Variants in IQCH observed in about 807,000 individuals in gnomAD.
The protein encoded by IQCH is IQ domain-containing protein H.
In IQCH, 98 loss-of-function variants were observed where a neutral mutation model predicts 117.0. The observed-to-expected ratio is 0.84, with a 90% CI of 0.71 to 0.99. The LOEUF is 0.99. Among genes scored for constraint, IQCH ranks in the 50% least tolerant of loss-of-function variants. The pLI, the probability that IQCH is intolerant of heterozygous loss-of-function variation, is 0.00. For missense variants in IQCH, 1,102 were observed against 1,243.8 expected, an observed-to-expected ratio of 0.89 and a Z score of 1.72; for synonymous variants, 412 against 448.2, an observed-to-expected ratio of 0.92 and a Z score of 1.02.
intron 4 of IQCH, among the ~76,000 whole-genome samples, chr15:67,315,676 A>G (rs559061275): frequency 1.3e-5 from 2 of 152,190 alleles, no homozygotes; most frequent in East Asian, 1.9e-4. Context: ...CCTTTTTACT[A>G]CTTTCCTGCT....
rs182392693 is a variant in IQCH, at chr15:67,425,846, C to T, written c.2505+4269C>T. Reference sequence around the variant, plus strand: ...GCAATCTACTGCAAGAAACAATTTTCCTTCTCCACCTCTCATTTATGCCTG... The same window carrying T: ...GCAATCTACTGCAAGAAACAATTTTTCTTCTCCACCTCTCATTTATGCCTG... On this transcript the variant is annotated intron_variant, in intron 16 of 20. Coordinates refer to ENST00000335894, the MANE Select transcript of IQCH (RefSeq NM_001031715.3). The surrounding 1 kb of genome is among the most constrained non-coding windows in gnomAD (Gnocchi z 5.5). 3.8e-3 allele frequency among the ~76,000 whole-genome samples: 571 copies of T among 152,238 alleles called. 3 individuals carry two copies. Among genetic ancestry groups the T allele is most frequent in the African/African-American group, 0.013 (535 of 41,546 alleles).
intron 6 of IQCH, among the ~76,000 whole-genome samples, chr15:67,345,318 C>T (rs1447946483): frequency 1.3e-5 from 2 of 152,144 alleles, no homozygotes; most frequent in Non-Finnish European, 2.9e-5. Context: ...TTACCTCCTC[C>T]TCCAGGAAAT....
intron 18 of IQCH, among the ~76,000 whole-genome samples, chr15:67,484,180 T>G (rs1212075233): frequency 6.6e-6 from 1 of 151,932 alleles, no homozygotes; most frequent in Admixed American, 6.6e-5. Flanking sequence ...CTGAGGTAGG[T>G]AGATTACTTG....
chr15:67,375,475 A>C (rs1031885427), intron 10 of IQCH, among the ~76,000 whole-genome samples: 1 of 152,156 alleles, frequency 6.6e-6, no homozygotes, highest in African/African-American at 2.4e-5. Flanking sequence ...CTGGTCAAAG[A>C]AGCTAGAAAT....
rs973060028 is a variant in IQCH at position 67,366,541 on chromosome 15, T to C, written c.754-5570T>C. 6.6e-6 allele frequency among the ~76,000 whole-genome samples: 1 copy of C among 152,210 alleles called. No individual in the cohort carries two copies. Among genetic ancestry groups the C allele is most frequent in the Non-Finnish European group, 1.5e-5 (1 of 68,030 alleles). ...AAGACTCATTTGAATAAAGATACCT[T>C]TCAAAGCAATTGCAGAAATTATTCC... On this transcript the variant is annotated intron_variant, in intron 8 of 20. Coordinates refer to ENST00000335894, the MANE Select transcript of IQCH (RefSeq NM_001031715.3). This position sits in a 1 kb window ranked among gnomAD's most constrained non-coding sequence, Gnocchi z 4.4.
At chr15:67,357,764 A>G (rs777988755) in intron 7 of IQCH, among the ~76,000 whole-genome samples, 1 of 152,162 alleles carries the variant, frequency 6.6e-6, no homozygotes, top group Non-Finnish European at 1.5e-5. Context: ...GTTCTACTGT[A>G]TTTCATTTGT....
At chr15:67,298,255 C>T (rs1966871932) in intron 4 of IQCH, among the ~76,000 whole-genome samples, 1 of 151,496 alleles carries the variant, frequency 6.6e-6, no homozygotes, top group Non-Finnish European at 1.5e-5. Flanking sequence ...TTGCAGTAAG[C>T]CGATATCACA....
At chr15:67,353,755 A>C (rs1172473443) in intron 6 of IQCH, among the ~76,000 whole-genome samples, 1 of 152,252 alleles carries the variant, frequency 6.6e-6, no homozygotes, top group African/African-American at 2.4e-5. Context: ...TACTAAAATG[A>C]AAAAAGGTCA....
Position 67,501,332 on chromosome 15 carries a change from A to G in IQCH, c.*586A>G, listed in dbSNP as rs2083974907. The G allele has an allele frequency of 2.0e-5, 3 of 152,322 alleles. No homozygotes were observed. The South Asian group carries it at 6.2e-4, about 32-fold the overall frequency. The allele number at this position is 152,322 out of a possible 1,614,324, so 9.4% of individuals were successfully genotyped here. On this transcript the variant is annotated 3_prime_UTR_variant, in exon 21 of 21. Coordinates refer to ENST00000335894, the MANE Select transcript of IQCH (RefSeq NM_001031715.3). This position sits in a 1 kb window ranked among gnomAD's most constrained non-coding sequence, Gnocchi z 5.2. ...TTGTTGCCATTTTTCAAAAAGTAGG[A>G]TAAGCCAGCATCTAGTTAACCAAAG...
intron 15 of IQCH, among the ~76,000 whole-genome samples, chr15:67,418,811 A>G (rs2081646723): frequency 6.6e-6 from 1 of 151,622 alleles, no homozygotes; most frequent in Non-Finnish European, 1.5e-5. Context: ...CTCCTGACCT[A>G]AGGTGATCCG....
intron 10 of IQCH, among the ~76,000 whole-genome samples, chr15:67,380,731 G>C (rs557801431): frequency 6.6e-6 from 1 of 152,310 alleles, no homozygotes; most frequent in Non-Finnish European, 1.5e-5. Flanking sequence ...GTGCTCTCTT[G>C]ATTAGGAGAG....
Position 67,426,613 on chromosome 15 carries a change from A to G in IQCH, c.2505+5036A>G, listed in dbSNP as rs2081897266. On this transcript the variant is annotated intron_variant, in intron 16 of 20. Coordinates refer to ENST00000335894, the MANE Select transcript of IQCH (RefSeq NM_001031715.3). This position sits in a 1 kb window ranked among gnomAD's most constrained non-coding sequence, Gnocchi z 5.1. ...ATTTAAACTTACAAACTAAAAAAAA[A>G]TAAAAATAAAAATAAAAATGAAAAG... Among the ~76,000 whole-genome samples the G allele has an allele frequency of 8.6e-6, 1 of 115,786 alleles. No homozygotes were observed. The highest frequency in any genetic ancestry group is 1.9e-5 in the Non-Finnish European group (1 of 51,740). The allele number at this position is 115,786 out of a possible 152,430, so 76.0% of individuals were successfully genotyped here.
rs2083193037 is a variant in IQCH, at chr15:67,475,997, A to T, written c.2799+179A>T. Reference sequence around the variant, plus strand: ...GATACGCAACTCCACAGAAAGTAGCACATAGTCCTGGAAAGTTCTACTTCG... The same window carrying T: ...GATACGCAACTCCACAGAAAGTAGCTCATAGTCCTGGAAAGTTCTACTTCG... On this transcript the variant is annotated intron_variant, in intron 18 of 20. Transcript: ENST00000335894. The surrounding 1 kb of genome is among the most constrained non-coding windows in gnomAD (Gnocchi z 5.7). Among the ~76,000 whole-genome samples the T allele has an allele frequency of 6.6e-6, 1 of 152,264 alleles. No individual in the cohort carries two copies.
At chr15:67,255,361 G>A (rs565022582) in intron 1 of IQCH, 1 of 169,270 alleles carries the variant, frequency 5.9e-6, no homozygotes, top group African/African-American at 2.4e-5. Context: ...TATGTGAATT[G>A]CTTTTCTTAA....
chr15:67,290,106 G>T (rs970068718), intron 4 of IQCH, among the ~76,000 whole-genome samples: 2 of 152,024 alleles, frequency 1.3e-5, no homozygotes, highest in African/African-American at 4.8e-5. Flanking sequence ...TCTTTTCATT[G>T]TCTTATTTGG....
intron 3 of IQCH, among the ~76,000 whole-genome samples, chr15:67,274,641 T>C (rs1966046374): frequency 6.6e-6 from 1 of 152,218 alleles, no homozygotes; most frequent in Non-Finnish European, 1.5e-5. Context: ...TATCAACATC[T>C]CACTAAGGTC....
At position 67,490,773 on chromosome 15, in the gene IQCH, C is replaced by A. The variant is rs1366478119; in HGVS notation, c.2861+709C>A. On this transcript the variant is annotated intron_variant, in intron 19 of 20. Coordinates refer to ENST00000335894, the MANE Select transcript of IQCH (RefSeq NM_001031715.3). This position sits in a 1 kb window ranked among gnomAD's most constrained non-coding sequence, Gnocchi z 4.9. ...CCCCTAACAGGCAGGATCTGTAGCTCCTCCTCAGATCCAGTTTCAACCCGG... is the reference window on the plus strand; with the variant it reads ...CCCCTAACAGGCAGGATCTGTAGCTACTCCTCAGATCCAGTTTCAACCCGG... Among the ~76,000 whole-genome samples the A allele has an allele frequency of 6.6e-6, 1 of 152,150 alleles. No individual in the cohort carries two copies. Among genetic ancestry groups the A allele is most frequent in the Non-Finnish European group, 1.5e-5 (1 of 68,036 alleles).
Position 67,406,142 on chromosome 15 carries a change from A to T in IQCH, c.2097+5837A>T. The T allele has an allele frequency of 6.6e-6, 1 of 152,236 alleles. No homozygotes were observed. The highest frequency in any genetic ancestry group is 1.9e-4 in the East Asian group (1 of 5,204). 9.4% of individuals were successfully genotyped at this position (152,236 alleles called of 1,614,324 possible). Reference sequence around the variant, plus strand: ...CTCAATTTAATACACTATCGTGATCATTTTAGTGAGCCTGTAAATTCCCAA... The same window carrying T: ...CTCAATTTAATACACTATCGTGATCTTTTTAGTGAGCCTGTAAATTCCCAA... On this transcript the variant is annotated intron_variant, in intron 14 of 20. Coordinates refer to ENST00000335894, the MANE Select transcript of IQCH (RefSeq NM_001031715.3). The surrounding 1 kb of genome is among the most constrained non-coding windows in gnomAD (Gnocchi z 4.5).
In IQCH at chr15:67,366,793, T is replaced by C. The variant is rs1380315789; in HGVS notation, c.754-5318T>C. ...AATACTGGAACACTACTCTTTGGGG[T>C]TCTCTCCCCATGACCACCTTTACCA... On this transcript the variant is annotated intron_variant, in intron 8 of 20. Coordinates refer to ENST00000335894, the MANE Select transcript of IQCH (RefSeq NM_001031715.3). This position sits in a 1 kb window ranked among gnomAD's most constrained non-coding sequence, Gnocchi z 4.4. 6.6e-6 allele frequency among the ~76,000 whole-genome samples: 1 copy of C among 152,188 alleles called. No individual in the cohort carries two copies. The highest frequency in any genetic ancestry group is 1.5e-5 in the Non-Finnish European group (1 of 68,028).
Sources: gnomAD v4.1 joint callset for allele counts (sites outside exome capture counted in the v4.1 genomes callset) on GRCh38, gnomAD v4.1.1 for gene constraint, Gnocchi (gnomAD v3.1) non-coding constraint, MANE v1.5 for transcripts, NCBI Gene and HGNC (gene_info 2026-07-23, HGNC 2026-07-21) for gene names.